The following PTPN4 variants were observed in gnomAD, a reference collection of about 807,000 sequenced individuals.
The protein encoded by PTPN4 is tyrosine-protein phosphatase non-receptor type 4.
A neutral mutation model predicts 135.5 loss-of-function variants in PTPN4; 49 were observed. The observed-to-expected ratio is 0.36, with a 90% CI of 0.29 to 0.46. PTPN4 has a LOEUF of 0.46. Among genes scored for constraint, PTPN4 ranks in the 20% least tolerant of loss-of-function variants. PTPN4 has a pLI of 1.00. For missense variants in PTPN4, 860 were observed against 1,101.0 expected (o/e 0.78, Z 3.10); for synonymous variants, 333 against 369.9 (o/e 0.90, Z 1.14).
chr2:119,973,968 G>C (rs1199838557), intron 26 of PTPN4, among the ~76,000 whole-genome samples: 1 of 151,842 alleles, frequency 6.6e-6, no homozygotes, highest in Non-Finnish European at 1.5e-5. Context: ...TTATTAGCTG[G>C]ACTACTTCTT....
intron 11 of PTPN4, among the ~76,000 whole-genome samples, chr2:119,917,281 T>C (rs1678666805): frequency 6.6e-6 from 1 of 152,164 alleles, no homozygotes; most frequent in African/African-American, 2.4e-5. Flanking sequence ...ACAGCAACAA[T>C]AGCTAACTGA....
chr2:119,776,365 CG>C (rs1013229164), intron 1 of PTPN4, among the ~76,000 whole-genome samples: 9 of 152,132 alleles, frequency 5.9e-5, no homozygotes, highest in African/African-American at 2.2e-4. Context: ...TTAGTAGAGA[CG>C]GGTTTCACCA....
At chr2:119,835,038 A>G (rs1170348151) in intron 2 of PTPN4, among the ~76,000 whole-genome samples, 1 of 152,152 alleles carries the variant, frequency 6.6e-6, no homozygotes, top group African/African-American at 2.4e-5. Flanking sequence ...TTGTATTTGG[A>G]GTACTGTATT....
rs573323829 is a variant in PTPN4, at chr2:119,969,750, G to A, written c.2694+1778G>A. Among the ~76,000 whole-genome samples the A allele has an allele frequency of 3.7e-4, 56 of 151,836 alleles. No homozygotes were observed. The South Asian group carries it at 5.4e-3, about 15-fold the overall frequency. On this transcript the variant is annotated intron_variant, in intron 26 of 26. Transcript: ENST00000263708. ...ATTTTTTGTATTTTTAGTAGAGACGGGGTTTCACCATGTTAGCCAGGATGG... is the reference window on the plus strand; with the variant it reads ...ATTTTTTGTATTTTTAGTAGAGACGAGGTTTCACCATGTTAGCCAGGATGG...
In PTPN4 at chr2:119,886,336, A is replaced by G. The variant is rs183738497; in HGVS notation, c.675+454A>G. ...CAACATGGAGCATATTAACATTTTT[A>G]TCTCCCCCCATCCCTGTAGTGAAGT... is the stretch of plus-strand genomic sequence containing the variant. On this transcript the variant is annotated intron_variant, in intron 9 of 26. Coordinates refer to ENST00000263708, the MANE Select transcript of PTPN4 (RefSeq NM_002830.4). Among the ~76,000 whole-genome samples the G allele has an allele frequency of 2.0e-4, 31 of 152,278 alleles. No individual in the cohort carries two copies. The East Asian group carries it at 4.8e-3, about 24-fold the overall frequency.
At chr2:119,890,926 G>A (rs1376555168) in intron 9 of PTPN4, among the ~76,000 whole-genome samples, 1 of 151,968 alleles carries the variant, frequency 6.6e-6, no homozygotes, top group African/African-American at 2.4e-5. Context: ...ATTGTCTTCC[G>A]GCCTATAAAA....
At chr2:119,880,714 T>G (rs766070517) in intron 5 of PTPN4, among the ~76,000 whole-genome samples, 15 of 151,930 alleles carry the variant, frequency 9.9e-5, no homozygotes, top group African/African-American at 7.3e-5. Context: ...AACTTTGAAT[T>G]ATTAAACCAA....
chr2:119,977,233 T>C lies in PTPN4; in HGVS notation c.*163T>C, dbSNP rs952504491. The C allele has an allele frequency of 1.7e-6, 2 of 1,173,272 alleles. No individual in the cohort carries two copies. Among genetic ancestry groups the C allele is most frequent in the African/African-American group, 3.2e-5 (2 of 61,978 alleles). The allele number at this position is 1,173,272 out of a possible 1,614,324, so 72.7% of individuals were successfully genotyped here. A position where few individuals can be genotyped will look rare whatever the true frequency, so the allele number is the denominator to read the frequency against. ...GTTGCACTTTATGTTTTAAAAAATG[T>C]CACTCTTTCAAAATCTATAACTCAT... On this transcript the variant is annotated 3_prime_UTR_variant, in exon 27 of 27. Transcript: ENST00000263708.
intron 2 of PTPN4, among the ~76,000 whole-genome samples, chr2:119,852,462 G>A (rs192688711): frequency 5.8e-4 from 89 of 152,302 alleles, no homozygotes; most frequent in South Asian, 1.2e-3. Flanking sequence ...GTTTAGGTGC[G>A]GGTTTCTTTT....
chr2:119,820,529 G>A (rs1677050577), intron 2 of PTPN4, among the ~76,000 whole-genome samples: 1 of 152,182 alleles, frequency 6.6e-6, no homozygotes, highest in Non-Finnish European at 1.5e-5. Flanking sequence ...AAGCCCTGGT[G>A]GGAAGACCTG....
chr2:119,946,933 C>A (rs1375059285), intron 18 of PTPN4, among the ~76,000 whole-genome samples: 1 of 152,130 alleles, frequency 6.6e-6, no homozygotes, highest in South Asian at 2.1e-4. Flanking sequence ...ATTATACTTG[C>A]CTATGCACTC....
rs998888006 is a variant in PTPN4, at chr2:119,965,336, G to T, written c.2410-161G>T. 2.6e-5 allele frequency among the ~76,000 whole-genome samples: 4 copies of T among 152,192 alleles called. No homozygotes were observed. In the South Asian group the frequency reaches 8.3e-4, roughly 32 times the overall value. ...GCACCAACCAACTATGAGGACGCGG[G>T]TCAGAGAGCAGCTGACCTAGTGATC... On this transcript the variant is annotated intron_variant, in intron 24 of 26. Transcript: ENST00000263708.
chr2:119,850,869 A>G lies in PTPN4; in HGVS notation c.139-11667A>G, dbSNP rs961697666. 4.4e-4 allele frequency among the ~76,000 whole-genome samples: 67 copies of G among 152,356 alleles called. 1 individual carries two copies. Among genetic ancestry groups the G allele is most frequent in the African/African-American group, 1.6e-3 (65 of 41,588 alleles). On this transcript the variant is annotated intron_variant, in intron 2 of 26. Coordinates refer to ENST00000263708, the MANE Select transcript of PTPN4 (RefSeq NM_002830.4). Reference sequence around the variant, plus strand: ...TTTTTAAGCACTGAACCAGCCTTGCATCTGTGGTAAAACCCCATTTGGTCA... The same window carrying G: ...TTTTTAAGCACTGAACCAGCCTTGCGTCTGTGGTAAAACCCCATTTGGTCA...
At position 119,952,139 on chromosome 2, in the gene PTPN4, CTA is replaced by C. The variant is rs762210100; in HGVS notation, c.1813+12_1813+13del. The C allele has an allele frequency of 1.2e-6, 2 of 1,600,924 alleles. No homozygotes were observed. Among genetic ancestry groups the C allele is most frequent in the South Asian group, 2.2e-5 (2 of 90,152 alleles). ...CTAGTTCGACCTAATGGTGAGTACT[CTA>C]TGTAGTACCAGATAATTTATAGTAA... On this transcript the variant is annotated intron_variant, in intron 19 of 26. Coordinates refer to ENST00000263708, the MANE Select transcript of PTPN4 (RefSeq NM_002830.4).
intron 22 of PTPN4, among the ~76,000 whole-genome samples, chr2:119,960,345 T>C (rs1558775705): frequency 6.6e-6 from 1 of 152,240 alleles, no homozygotes; most frequent in Non-Finnish European, 1.5e-5. Context: ...TTACTTTATA[T>C]GTAAAAATTC....
At chr2:119,870,571 A>T (rs1399248606) in intron 3 of PTPN4, among the ~76,000 whole-genome samples, 1 of 152,200 alleles carries the variant, frequency 6.6e-6, no homozygotes, top group African/African-American at 2.4e-5. Flanking sequence ...CCTAACAGGT[A>T]TAAAAATGGA....
intron 10 of PTPN4, among the ~76,000 whole-genome samples, chr2:119,902,983 A>G (rs1678428787): frequency 2.0e-5 from 3 of 152,160 alleles, no homozygotes; most frequent in Admixed American, 1.3e-4. Flanking sequence ...AGTGAGGCCC[A>G]GTAGCTCCTG....
chr2:119,832,994 G>A (rs1032303245), intron 2 of PTPN4, among the ~76,000 whole-genome samples: 1 of 152,134 alleles, frequency 6.6e-6, no homozygotes, highest in Non-Finnish European at 1.5e-5. Context: ...AATGTCAGAT[G>A]ATTTTTATGT....
At chr2:119,882,773 A>G (rs536459182) in intron 8 of PTPN4, 150 bp downstream of exon 8, 9 of 737,776 alleles carry the variant, frequency 1.2e-5, no homozygotes, top group Middle Eastern at 8.4e-4. Flanking sequence ...TAGGTGATCT[A>G]TGCTAAAAAA....
Sources: gnomAD v4.1 joint callset for allele counts (sites outside exome capture counted in the v4.1 genomes callset) on GRCh38, gnomAD v4.1.1 for gene constraint, MANE v1.5 for transcripts, NCBI Gene and HGNC (gene_info 2026-07-23, HGNC 2026-07-21) for gene names.